Variants in CBY1 observed in about 807,000 individuals in gnomAD.
CBY1 encodes the protein protein chibby homolog 1.
A neutral mutation model predicts 15.6 loss-of-function variants in CBY1; 10 were observed. The ratio of observed to expected loss-of-function variants is 0.64; its 90% CI spans 0.40 to 1.09. CBY1 has a LOEUF of 1.09. CBY1 is among the 50% of genes least tolerant of loss of function. The probability of loss-of-function intolerance (pLI) is 0.01; values close to 1 mark genes in which losing one functional copy is unlikely to be tolerated. For synonymous variants in CBY1, 61 were observed against 63.5 expected (o/e 0.96, Z 0.19); for missense variants, 150 against 160.5 (o/e 0.93, Z 0.35).
intron 1 of CBY1, among the ~76,000 whole-genome samples, chr22:38,661,242 C>T (rs1245300941): frequency 5.3e-5 from 8 of 152,284 alleles, no homozygotes; most frequent in South Asian, 2.1e-4. Context: ...GGTGTGTTCT[C>T]GGCTCACCGC....
chr22:38,657,756 G>A (rs2092404996), intron 1 of CBY1, among the ~76,000 whole-genome samples: 1 of 152,158 alleles, frequency 6.6e-6, no homozygotes, highest in Non-Finnish European at 1.5e-5. Flanking sequence ...GAAGGGGAGA[G>A]CCAGGCCCCT....
chr22:38,667,020 T>A (rs1045430075), intron 1 of CBY1, among the ~76,000 whole-genome samples: 3 of 151,166 alleles, frequency 2.0e-5, no homozygotes, highest in African/African-American at 4.9e-5. Flanking sequence ...CTTTATTTTT[T>A]TTTTTTTAGA....
intron 1 of CBY1, among the ~76,000 whole-genome samples, chr22:38,658,705 T>G (rs2092412964): frequency 6.6e-6 from 1 of 152,032 alleles, no homozygotes. Flanking sequence ...CTCCATCTCC[T>G]GACCTCGTGA....
At chr22:38,668,158 G>A (rs200161170) in intron 2 of CBY1, 26 bp downstream of exon 2, 11 of 1,395,430 alleles carry the variant, frequency 7.9e-6, no homozygotes, top group East Asian at 2.3e-5. Context: ...GGGGTCGGCC[G>A]GGTGTGCAGC....
At position 38,673,428 on chromosome 22, in the gene CBY1, T is replaced by G; in HGVS notation, c.*192T>G. 2.0e-6 allele frequency: 1 copy of G among 504,434 alleles called. No homozygotes were observed. Among genetic ancestry groups the G allele is most frequent in the South Asian group, 2.1e-5 (1 of 47,920 alleles). The allele number at this position is 504,434 out of a possible 1,614,324, so 31.2% of individuals were successfully genotyped here. ...CCAGATGGGGATAGTAACTAGAAGG[T>G]GCTTCAGATGCACTGCCTGCGGGTG... On this transcript the variant is annotated 3_prime_UTR_variant, in exon 5 of 5. Coordinates refer to ENST00000216029, the MANE Select transcript of CBY1 (RefSeq NM_015373.4).
intron 2 of CBY1, 87 bp from the exon 3 acceptor site, chr22:38,670,797 T>C: frequency 2.4e-6 from 2 of 821,898 alleles, no homozygotes; most frequent in South Asian, 1.4e-5. Context: ...AAATGAGTTG[T>C]TGGGGTCATA....
intron 4 of CBY1, among the ~76,000 whole-genome samples, chr22:38,671,970 A>T (rs9611004): frequency 0.37 from 55,628 of 149,346 alleles, 10,777 homozygotes; most frequent in African/African-American, 0.5. Context: ...TTTTTTTTTT[A>T]AAAAAGGACT....
chr22:38,673,338 C>A lies in CBY1; in HGVS notation c.*102C>A. The A allele has an allele frequency of 2.8e-6, 2 of 720,736 alleles. No individual in the cohort carries two copies. The highest frequency in any genetic ancestry group is 2.3e-5 in the Admixed American group (1 of 44,334). The allele number at this position is 720,736 out of a possible 1,614,324, so 44.6% of individuals were successfully genotyped here. On this transcript the variant is annotated 3_prime_UTR_variant, in exon 5 of 5. Transcript: ENST00000216029. ...TGGAAGAGAGTATCATATAATGAGACCCACAGGCACTGGCACCCTTGGGTT... is the reference window on the plus strand; with the variant it reads ...TGGAAGAGAGTATCATATAATGAGAACCACAGGCACTGGCACCCTTGGGTT...
At chr22:38,667,898 A>C in intron 1 of CBY1, 119 bp from the exon 2 acceptor site, 2 of 618,958 alleles carry the variant, frequency 3.2e-6, no homozygotes, top group Non-Finnish European at 5.8e-6. Flanking sequence ...GGGACATTCA[A>C]ACCATAGCAC....
chr22:38,661,376 A>G (rs1352429516), intron 1 of CBY1, among the ~76,000 whole-genome samples: 1 of 152,078 alleles, frequency 6.6e-6, no homozygotes, highest in Non-Finnish European at 1.5e-5. Context: ...GGGTTTCACC[A>G]TGTTGGCCAG....
At chr22:38,668,173 G>A (rs1462667737) in intron 2 of CBY1, 41 bp downstream of exon 2, 2 of 1,161,234 alleles carry the variant, frequency 1.7e-6, no homozygotes, top group Non-Finnish European at 2.6e-6. Context: ...TGCAGCATGA[G>A]TTGAGTGCTG....
chr22:38,656,799 C>G (rs902726354), intron 1 of CBY1, 49 bp downstream of exon 1: 1 of 152,192 alleles, frequency 6.6e-6, no homozygotes, highest in Admixed American at 6.5e-5. Flanking sequence ...TGGGTTCACT[C>G]GGGGGCCCGA....
intron 2 of CBY1, chr22:38,670,656 A>T: frequency 2.1e-6 from 1 of 485,294 alleles, no homozygotes; most frequent in Middle Eastern, 5.6e-4. Flanking sequence ...ATTTCAGTAT[A>T]TATAGCTTTT....
chr22:38,668,031 G>A lies in CBY1; in HGVS notation c.-24G>A. On this transcript the variant is annotated 5_prime_UTR_variant, in exon 2 of 5. Transcript: ENST00000216029. ...TCTGACCCTAGGAGAAGGGAGCACT[G>A]GCTTTGCTTTCATCAGGCCAAAGAT... The A allele has an allele frequency of 1.2e-6, 2 of 1,611,912 alleles. No homozygotes were observed. The highest frequency in any genetic ancestry group is 8.5e-7 in the Non-Finnish European group (1 of 1,178,132).
intron 1 of CBY1, among the ~76,000 whole-genome samples, chr22:38,660,791 G>A (rs150989208): frequency 9.4e-5 from 3 of 31,764 alleles, no homozygotes; most frequent in African/African-American, 3.0e-4. Context: ...AGGCTGGAGC[G>A]CAATGACACG....
chr22:38,657,720 G>C (rs1466061285), intron 1 of CBY1, among the ~76,000 whole-genome samples: 2 of 152,310 alleles, frequency 1.3e-5, no homozygotes, highest in South Asian at 2.1e-4. Flanking sequence ...AAGTAAAGCA[G>C]CTGGGCCAAG....
At chr22:38,662,295 CTG>C (rs1289505634) in intron 1 of CBY1, among the ~76,000 whole-genome samples, 2 of 136,248 alleles carry the variant, frequency 1.5e-5, no homozygotes, top group African/African-American at 5.5e-5. Context: ...GAATGAGACT[CTG>C]TCTCAAAAAA....
intron 1 of CBY1, among the ~76,000 whole-genome samples, chr22:38,658,469 A>T (rs969413421): frequency 4.1e-4 from 60 of 145,394 alleles, no homozygotes; most frequent in African/African-American, 1.4e-3. Context: ...ATTTTATTTT[A>T]TTTTTTTTTG....
rs534056626 is a variant in CBY1, at chr22:38,673,495, A to G, written c.*259A>G. The G allele has an allele frequency of 1.5e-5, 6 of 390,588 alleles. No individual in the cohort carries two copies. In the East Asian group the frequency reaches 3.0e-4, roughly 20 times the overall value. 24.2% of individuals were successfully genotyped at this position (390,588 alleles called of 1,614,324 possible). A position where few individuals can be genotyped will look rare whatever the true frequency, so the allele number is the denominator to read the frequency against. Reference sequence around the variant, plus strand: ...ACCGCACAGAGGCCTGGGGCTGCTGATGAGCTTTTTGGTGCTCTCCACACA... The same window carrying G: ...ACCGCACAGAGGCCTGGGGCTGCTGGTGAGCTTTTTGGTGCTCTCCACACA... On this transcript the variant is annotated 3_prime_UTR_variant, in exon 5 of 5. Coordinates refer to ENST00000216029, the MANE Select transcript of CBY1 (RefSeq NM_015373.4).
Sources: gnomAD v4.1 joint callset for allele counts (sites outside exome capture counted in the v4.1 genomes callset) on GRCh38, gnomAD v4.1.1 for gene constraint, MANE v1.5 for transcripts, NCBI Gene and HGNC (gene_info 2026-07-23, HGNC 2026-07-21) for gene names.